ABCC3: variants seen among roughly 807,000 people sequenced by gnomAD.
ABCC3 encodes the protein ATP-binding cassette sub-family C member 3.
ABCC3 carries 121 observed loss-of-function variants against 165.3 expected under a neutral mutation model. That is an observed-to-expected ratio of 0.73 (90% CI 0.63 to 0.85). The LOEUF is 0.85. Among genes scored for constraint, ABCC3 ranks in the 40% least tolerant of loss-of-function variants. The pLI, the probability that ABCC3 is intolerant of heterozygous loss-of-function variation, is 0.00. For synonymous variants in ABCC3, 733 were observed against 810.1 expected, an observed-to-expected ratio of 0.90 and a Z score of 1.62; for missense variants, 1,869 against 1,964.1, an observed-to-expected ratio of 0.95 and a Z score of 0.92.
At position 50,675,683 on chromosome 17, in the gene ABCC3, C is replaced by G; in HGVS notation, c.2767C>G (p.Arg923Gly). 1.3e-6 allele frequency: 2 copies of G among 1,572,844 alleles called. No homozygotes were observed. The highest frequency in any genetic ancestry group is 1.2e-5 in the South Asian group (1 of 85,804). The change falls in exon 21 of 31, where the codon CGG becomes GGG. Residue 923 changes from arginine to glycine, a missense_variant. Physicochemically the swap from Arg to Gly is moderately radical, Grantham distance 125. Coordinates refer to ENST00000285238, the MANE Select transcript of ABCC3 (RefSeq NM_003786.4). ...DGEGQGRPVP[R>G]RHLGPSEKVQ... The stretch of plus-strand genomic sequence containing the variant: ...GGAGGGACAGGGTCGGCCTGTACCC[C>G]GGAGGCACCTGGGTCCATCAGAGAA...
In ABCC3 at chr17:50,678,087, C is replaced by T. The variant is rs1192786049; in HGVS notation, c.3579-6C>T. On this transcript the variant is annotated splice_polypyrimidine_tract_variant and splice_region_variant and intron_variant, in intron 24 of 30. Transcript: ENST00000285238. ...CCCCATTTCCTCCTCATCTGATCCCCCATAGGTGGCTGAGCATCGGAGTGG... is the reference window on the plus strand; with the variant it reads ...CCCCATTTCCTCCTCATCTGATCCCTCATAGGTGGCTGAGCATCGGAGTGG... The T allele has an allele frequency of 3.1e-6, 5 of 1,607,220 alleles. No homozygotes were observed. The highest frequency in any genetic ancestry group is 4.3e-6 in the Non-Finnish European group (5 of 1,175,652).
chr17:50,664,043 G>T lies in ABCC3; in HGVS notation c.1270G>T (p.Ala424Ser). The change falls in exon 10 of 31, where the codon GCC becomes TCC. Residue 424 changes from alanine (A) to serine (S), a missense_variant. Transcript: ENST00000285238. ...SVDAQRFMDL[A>S]PFLNLLWSAP... Reference sequence around the variant, plus strand: ...GGATGCCCAGCGCTTCATGGACCTTGCCCCCTTCCTCAATCTGCTGTGGTC... The same window carrying T: ...GGATGCCCAGCGCTTCATGGACCTTTCCCCCTTCCTCAATCTGCTGTGGTC... 1.2e-6 allele frequency: 2 copies of T among 1,614,192 alleles called. No homozygotes were observed. Among genetic ancestry groups the T allele is most frequent in the Non-Finnish European group, 1.7e-6 (2 of 1,180,038 alleles).
In ABCC3 at chr17:50,675,667, G is replaced by T. The variant is rs759827958; in HGVS notation, c.2751G>T (p.Gln917His). 9.5e-6 allele frequency: 15 copies of T among 1,572,884 alleles called. No homozygotes were observed. The South Asian group carries it at 1.6e-4, about 17-fold the overall frequency. ...CCCTGTCCTCAGATGGGGAGGGACA[G>T]GGTCGGCCTGTACCCCGGAGGCACC... ...LSALSSDGEGQGRPVPRRHLG... is the reference protein window; with the variant it reads ...LSALSSDGEGHGRPVPRRHLG... Residue 917 changes from glutamine (Q) to histidine (H), a missense_variant, in exon 21 of 31, where the codon CAG becomes CAT. Transcript: ENST00000285238.
chr17:50,672,806 A>T (rs1967675895), intron 17 of ABCC3, among the ~76,000 whole-genome samples, 165 bp from the exon 18 acceptor site: 1 of 151,734 alleles, frequency 6.6e-6, no homozygotes, highest in Non-Finnish European at 1.5e-5. Flanking sequence ...CGAGAGGCAG[A>T]GGTTGCAGTG....
At chr17:50,666,699 T>C (rs893611100) in intron 11 of ABCC3, among the ~76,000 whole-genome samples, 5 of 152,228 alleles carry the variant, frequency 3.3e-5, no homozygotes, top group African/African-American at 1.2e-4. Flanking sequence ...TCTGAATTCA[T>C]CGTGACAAAT....
intron 17 of ABCC3, among the ~76,000 whole-genome samples, chr17:50,670,695 C>A (rs937552161): frequency 6.6e-6 from 1 of 152,138 alleles, no homozygotes; most frequent in African/African-American, 2.4e-5. Flanking sequence ...CTTGGGAAAT[C>A]CTCACTGAGA....
At chr17:50,635,701 A>G in intron 1 of ABCC3, 1 of 662,776 alleles carries the variant, frequency 1.5e-6, no homozygotes, top group Non-Finnish European at 2.8e-6. Flanking sequence ...TACCCAGTTC[A>G]ATGAAGGCAG....
Position 50,668,958 on chromosome 17 carries a change from T to C in ABCC3, c.1937+39T>C, listed in dbSNP as rs1967584327. The C allele has an allele frequency of 6.8e-6, 11 of 1,609,436 alleles. No homozygotes were observed. In the Admixed American group the frequency reaches 1.8e-4, roughly 27 times the overall value. On this transcript the variant is annotated intron_variant, in intron 15 of 30. Coordinates refer to ENST00000285238, the MANE Select transcript of ABCC3 (RefSeq NM_003786.4). ...CCACTCCCTTCCCAGCTGCCCACGG[T>C]GGGCTGGAAGTTCAGATCAATAGCA...
chr17:50,672,837 A>G (rs1272477958), intron 17 of ABCC3, 134 bp from the exon 18 acceptor site: 4 of 741,176 alleles, frequency 5.4e-6, no homozygotes, highest in African/African-American at 5.4e-5. Flanking sequence ...GCACCACTGC[A>G]CTCCAGCCTG....
rs543294579 is a variant in ABCC3, at chr17:50,663,932, A to G, written c.1177-18A>G. 6.2e-7 allele frequency: 1 copy of G among 1,614,190 alleles called. No homozygotes were observed. The highest frequency in any genetic ancestry group is 8.5e-7 in the Non-Finnish European group (1 of 1,180,030). ...AAGAGGCTCGCAGCCAAGTCCACCC[A>G]CTACTGTCTACCTGCAGGCTCTGGT... On this transcript the variant is annotated intron_variant, in intron 9 of 30. Transcript: ENST00000285238.
At chr17:50,668,648 C>T in intron 14 of ABCC3, 131 bp downstream of exon 14, 1 of 805,664 alleles carries the variant, frequency 1.2e-6, no homozygotes, top group Non-Finnish European at 2.0e-6. Context: ...CGACTCTGAC[C>T]TCCTCCCTCT....
At chr17:50,673,995 T>C (rs1691098989) in intron 19 of ABCC3, among the ~76,000 whole-genome samples, 1 of 9,124 alleles carries the variant, frequency 1.1e-4, no homozygotes, top group Non-Finnish European at 2.1e-4. Flanking sequence ...TCTCTCTCTC[T>C]CTCTCTCTCT....
At position 50,678,105 on chromosome 17, in the gene ABCC3, C is replaced by CGGAGT; in HGVS notation, c.3597_3601dup (p.Phe1201TrpfsTer23). 11 of 1,599,642 alleles carry CGGAGT rather than the reference C, an allele frequency of 6.9e-6. No individual in the cohort carries two copies. Among genetic ancestry groups the CGGAGT allele is most frequent in the Non-Finnish European group, 8.5e-6 (10 of 1,171,386 alleles). On this transcript the variant is annotated frameshift_variant, in exon 25 of 31. Coordinates refer to ENST00000285238, the MANE Select transcript of ABCC3 (RefSeq NM_003786.4). LOFTEE classifies it high-confidence loss of function. ...TGATCCCCCATAGGTGGCTGAGCAT[C>CGGAGT]GGAGTGGAGTTCGTGGGGAACTGCG...
In ABCC3 at chr17:50,673,185, C is replaced by T. The variant is rs35450564; in HGVS notation, c.2409+47C>T. ...GGGGGCTAAGGTGAGATCTGAGGCCCGAAGAGAGAGCTGGTGAGAGGCTGA... is the reference window on the plus strand; with the variant it reads ...GGGGGCTAAGGTGAGATCTGAGGCCTGAAGAGAGAGCTGGTGAGAGGCTGA... On this transcript the variant is annotated intron_variant, in intron 18 of 30. Transcript: ENST00000285238. 1.4e-4 allele frequency: 217 copies of T among 1,605,000 alleles called. 1 individual carries two copies. The African/African-American group carries it at 2.2e-3, about 16-fold the overall frequency.
In ABCC3 at chr17:50,660,681, G is replaced by T. The variant is rs141734012; in HGVS notation, c.807-242G>T. Among the ~76,000 whole-genome samples, 938 of 152,274 alleles carry T rather than the reference G, an allele frequency of 6.2e-3. 8 individuals carry two copies. Among genetic ancestry groups the T allele is most frequent in the African/African-American group, 0.022 (904 of 41,544 alleles). On this transcript the variant is annotated intron_variant, in intron 7 of 30. Transcript: ENST00000285238. ...GGGGAGGCGGGGAGAGGGCCAGACT[G>T]GGGGGATAGCTGGGTTTTAGAGTCC...
intron 17 of ABCC3, among the ~76,000 whole-genome samples, chr17:50,670,082 A>G (rs1967615016): frequency 6.6e-6 from 1 of 151,484 alleles, no homozygotes. Context: ...CACCTGGCTG[A>G]GCATCACTTT....
At chr17:50,655,203 C>T (rs111311926) in intron 1 of ABCC3, among the ~76,000 whole-genome samples, 4 of 149,762 alleles carry the variant, frequency 2.7e-5, no homozygotes, top group Non-Finnish European at 4.4e-5. Context: ...GTCAAGAGAT[C>T]GAGACCATCC....
At chr17:50,678,573 G>T (rs1275174582) in intron 25 of ABCC3, among the ~76,000 whole-genome samples, 1 of 152,168 alleles carries the variant, frequency 6.6e-6, no homozygotes, top group Admixed American at 6.6e-5. Context: ...ATCAGCAGGA[G>T]ATTGTGCTGC....
intron 6 of ABCC3, among the ~76,000 whole-genome samples, chr17:50,658,857 G>C (rs971840462): frequency 2.6e-5 from 4 of 152,228 alleles, no homozygotes; most frequent in Admixed American, 1.3e-4. Flanking sequence ...CAGGATAACT[G>C]TGTCTGTGAC....
Sources: allele counts gnomAD v4.1 joint callset (sites outside exome capture counted in the v4.1 genomes callset), GRCh38; gene constraint gnomAD v4.1.1; transcripts MANE v1.5; gene names NCBI Gene and HGNC (gene_info 2026-07-23, HGNC 2026-07-21).